Variants in MCPH1 observed in about 807,000 individuals in gnomAD.
The protein encoded by MCPH1 is microcephalin 1, also known as microcephalin.
Under a neutral mutation model 84.5 loss-of-function variants are expected in MCPH1, and 104 were observed. That is an observed-to-expected ratio of 1.23 (90% CI 1.05 to 1.45). The LOEUF (loss-of-function observed/expected upper bound fraction) is 1.45. MCPH1 is among the 40% of genes most tolerant of loss of function. The pLI is 0.00. For missense variants in MCPH1, 1,498 were observed against 1,005.7 expected, an observed-to-expected ratio of 1.49 and a Z score of -6.62; for synonymous variants, 514 against 366.8, an observed-to-expected ratio of 1.40 and a Z score of -4.58.
At chr8:6,498,383 C>G (rs1396220426) in intron 11 of MCPH1, among the ~76,000 whole-genome samples, 1 of 152,154 alleles carries the variant, frequency 6.6e-6, no homozygotes, top group African/African-American at 2.4e-5. Flanking sequence ...CACTGTATTT[C>G]TGATTTGATT....
intron 12 of MCPH1, among the ~76,000 whole-genome samples, chr8:6,560,460 CTTTAAGTGGG>C (rs1478321931): frequency 1.3e-5 from 2 of 152,278 alleles, no homozygotes; most frequent in South Asian, 2.1e-4. Context: ...CATTTAATCA[CTTTAAGTGGG>C]TTTCATCTTT....
chr8:6,619,712 G>C (rs1381412290), intron 12 of MCPH1, among the ~76,000 whole-genome samples: 1 of 152,144 alleles, frequency 6.6e-6, no homozygotes, highest in Non-Finnish European at 1.5e-5. Context: ...AGCCTCCCGA[G>C]TAGCTGGGAC....
chr8:6,507,726 G>C (rs1460770155), intron 12 of MCPH1: 1 of 151,876 alleles, frequency 6.6e-6, no homozygotes, highest in African/African-American at 2.4e-5. Flanking sequence ...GGGATTACAG[G>C]TGCCAGCCAC....
rs1243713320 is a variant in MCPH1, at chr8:6,499,812, A to G, written c.2137-40A>G. The G allele has an allele frequency of 1.9e-6, 3 of 1,577,588 alleles. No individual in the cohort carries two copies. The Admixed American group carries it at 5.0e-5, about 26-fold the overall frequency. The stretch of plus-strand genomic sequence containing the variant: ...TCTTGGTTTATTGCCTGCTAAGGCT[A>G]ATAAATGTATAATAAATCTGCTTGT... On this transcript the variant is annotated intron_variant, in intron 11 of 13. Coordinates refer to ENST00000344683, the MANE Select transcript of MCPH1 (RefSeq NM_024596.5).
rs1798217382 is a variant in MCPH1, at chr8:6,646,398, A to G, written c.*3349A>G. The G allele has an allele frequency of 6.6e-6, 1 of 152,260 alleles. No homozygotes were observed. Among genetic ancestry groups the G allele is most frequent in the Admixed American group, 6.5e-5 (1 of 15,290 alleles). 9.4% of individuals were successfully genotyped at this position (152,260 alleles called of 1,614,324 possible). Reference sequence around the variant, plus strand: ...ACAAGAACAAAAGTATCACATTGGCATAAGAATAGACATGTAAATCAAATA... The same window carrying G: ...ACAAGAACAAAAGTATCACATTGGCGTAAGAATAGACATGTAAATCAAATA... On this transcript the variant is annotated 3_prime_UTR_variant, in exon 14 of 14. Transcript: ENST00000344683.
intron 12 of MCPH1, chr8:6,532,297 C>A (rs376215741): frequency 1.2e-6 from 2 of 1,613,322 alleles, no homozygotes; most frequent in Non-Finnish European, 1.7e-6. Context: ...TCTCTAGCTG[C>A]AGGGACACCG....
chr8:6,505,910 TTATA>T (rs1813585246), intron 12 of MCPH1, among the ~76,000 whole-genome samples: 1 of 97,976 alleles, frequency 1.0e-5, no homozygotes, highest in Admixed American at 9.8e-5. Context: ...TACATATTCT[TTATA>T]TATGTATATA....
chr8:6,486,530 A>T (rs1204769923), intron 11 of MCPH1, among the ~76,000 whole-genome samples: 4 of 152,218 alleles, frequency 2.6e-5, no homozygotes, highest in African/African-American at 9.6e-5. Context: ...AGCTAGTCTT[A>T]TCAGAAACTG....
chr8:6,502,757 T>A (rs949242887), intron 12 of MCPH1: 12 of 297,578 alleles, frequency 4.0e-5, no homozygotes, highest in Non-Finnish European at 6.4e-5. Context: ...ACATAAGTGT[T>A]CTGTTTTCCA....
At chr8:6,594,221 T>C (rs1488682055) in intron 12 of MCPH1, among the ~76,000 whole-genome samples, 2 of 152,280 alleles carry the variant, frequency 1.3e-5, no homozygotes, top group Non-Finnish European at 2.9e-5. Context: ...GCATTCCTTA[T>C]GCTGGTCCTG....
intron 1 of MCPH1, among the ~76,000 whole-genome samples, chr8:6,408,502 A>T (rs1362802683): frequency 6.6e-6 from 1 of 151,646 alleles, no homozygotes; most frequent in African/African-American, 2.4e-5. Context: ...GATTACAGGC[A>T]TGAGCTACTT....
At chr8:6,537,508 G>A (rs989059890) in intron 12 of MCPH1, among the ~76,000 whole-genome samples, 58 of 151,672 alleles carry the variant, frequency 3.8e-4, no homozygotes, top group African/African-American at 1.4e-3. Flanking sequence ...GCAGCGCATC[G>A]AAACTCAAGC....
At position 6,517,044 on chromosome 8, in the gene MCPH1, T is replaced by C. The variant is rs1816394460; in HGVS notation, c.2214+17115T>C. Among the ~76,000 whole-genome samples the C allele has an allele frequency of 2.0e-5, 3 of 152,182 alleles. No individual in the cohort carries two copies. In the South Asian group the frequency reaches 6.2e-4, roughly 32 times the overall value. On this transcript the variant is annotated intron_variant, in intron 12 of 13. Coordinates refer to ENST00000344683, the MANE Select transcript of MCPH1 (RefSeq NM_024596.5). Reference sequence around the variant, plus strand: ...CAGAGGATTTGTAAAAACTGGAGTATTATGGTTAATTGGACTATAAAACTT... The same window carrying C: ...CAGAGGATTTGTAAAAACTGGAGTACTATGGTTAATTGGACTATAAAACTT...
chr8:6,574,355 G>A (rs1288493079), intron 12 of MCPH1, among the ~76,000 whole-genome samples: 8 of 151,984 alleles, frequency 5.3e-5, no homozygotes, highest in African/African-American at 1.9e-4. Flanking sequence ...CTGTCTACAC[G>A]GCCGTCTTTT....
At chr8:6,425,881 A>G (rs1408072496) in intron 3 of MCPH1, among the ~76,000 whole-genome samples, 1 of 152,174 alleles carries the variant, frequency 6.6e-6, no homozygotes, top group Non-Finnish European at 1.5e-5. Context: ...TGTGTATTTG[A>G]TAACACGATT....
At chr8:6,579,101 G>C (rs1196907197) in intron 12 of MCPH1, among the ~76,000 whole-genome samples, 1 of 152,210 alleles carries the variant, frequency 6.6e-6, no homozygotes, top group Admixed American at 6.5e-5. Context: ...GCTGTGTCCA[G>C]AGGAAGGGAG....
chr8:6,503,566 C>G (rs1337099952), intron 12 of MCPH1, among the ~76,000 whole-genome samples: 3 of 152,194 alleles, frequency 2.0e-5, no homozygotes, highest in Non-Finnish European at 4.4e-5. Context: ...TACACACTTA[C>G]AGCAGGAGTA....
intron 12 of MCPH1, among the ~76,000 whole-genome samples, chr8:6,549,642 AAG>A (rs551595696): frequency 9.3e-4 from 132 of 141,292 alleles, no homozygotes; most frequent in Non-Finnish European, 1.4e-3. Flanking sequence ...GATACAGACA[AAG>A]AGGGGCGTGA....
At chr8:6,437,173 CTAT>C (rs1802776021) in intron 5 of MCPH1, among the ~76,000 whole-genome samples, 2 of 152,188 alleles carry the variant, frequency 1.3e-5, no homozygotes, top group South Asian at 4.2e-4. Flanking sequence ...ATCTATGTTA[CTAT>C]GTCACAGATT....
Sources: gnomAD v4.1 joint callset for allele counts (sites outside exome capture counted in the v4.1 genomes callset) on GRCh38, gnomAD v4.1.1 for gene constraint, MANE v1.5 for transcripts, NCBI Gene and HGNC (gene_info 2026-07-23, HGNC 2026-07-21) for gene names.